The following IQGAP1 variants were observed in gnomAD, a reference collection of about 807,000 sequenced individuals.
The protein encoded by IQGAP1 is IQ motif containing GTPase activating protein 1.
IQGAP1 carries 66 observed loss-of-function variants against 215.6 expected under a neutral mutation model. The ratio of observed to expected loss-of-function variants is 0.31; its 90% CI spans 0.25 to 0.38. The LOEUF (loss-of-function observed/expected upper bound fraction) is 0.38, where lower values mean the gene tolerates loss of function less well. Ranked by LOEUF, IQGAP1 falls within the 10% of genes least tolerant of loss-of-function variation. The pLI, the probability that IQGAP1 is intolerant of heterozygous loss-of-function variation, is 1.00. For synonymous variants in IQGAP1, 772 were observed against 728.7 expected, an observed-to-expected ratio of 1.06 and a Z score of -0.96; for missense variants, 1,712 against 1,997.1, an observed-to-expected ratio of 0.86 and a Z score of 2.72.
intron 2 of IQGAP1, among the ~76,000 whole-genome samples, chr15:90,404,030 C>T (rs1366042698): frequency 1.3e-5 from 2 of 152,050 alleles, no homozygotes; most frequent in Non-Finnish European, 2.9e-5. Context: ...CTCTTTTTTT[C>T]CTTCACAGTT....
chr15:90,426,066 T>C, intron 2 of IQGAP1, 44 bp from the exon 3 acceptor site: 1 of 1,560,042 alleles, frequency 6.4e-7, no homozygotes. Flanking sequence ...GGAAAAGTTC[T>C]GACCTTCCCT....
At chr15:90,428,277 A>G (rs898846734) in intron 3 of IQGAP1, among the ~76,000 whole-genome samples, 2 of 150,608 alleles carry the variant, frequency 1.3e-5, no homozygotes, top group Admixed American at 6.6e-5. Context: ...GGGTCTCACT[A>G]TGTTGCCCAG....
chr15:90,399,394 A>G (rs1358179436), intron 2 of IQGAP1, among the ~76,000 whole-genome samples: 1 of 152,026 alleles, frequency 6.6e-6, no homozygotes, highest in African/African-American at 2.4e-5. Flanking sequence ...TTATTTTCTT[A>G]TGCAAATTTT....
In IQGAP1 at chr15:90,422,609, CATAT is replaced by C. The variant is rs750865545; in HGVS notation, c.156-3488_156-3485del. ...AGAAATGTTTAATAATTGTCTCATT[CATAT>C]ATATATATATATGTATATATATATA... On this transcript the variant is annotated intron_variant, in intron 2 of 37. Transcript: ENST00000268182. 3.6e-4 allele frequency among the ~76,000 whole-genome samples: 40 copies of C among 111,188 alleles called. 1 individual carries two copies. The highest frequency in any genetic ancestry group is 9.6e-4 in the African/African-American group (30 of 31,220). The allele number at this position is 111,188 out of a possible 152,430, so 72.9% of individuals were successfully genotyped here. A position where few individuals can be genotyped will look rare whatever the true frequency, so the allele number is the denominator to read the frequency against.
intron 3 of IQGAP1, among the ~76,000 whole-genome samples, chr15:90,428,258 T>A (rs889763064): frequency 6.6e-6 from 1 of 151,948 alleles, no homozygotes; most frequent in Non-Finnish European, 1.5e-5. Flanking sequence ...AATTTTAGTG[T>A]AGAGATGGGG....
At chr15:90,396,322 G>A (rs948641991) in intron 2 of IQGAP1, among the ~76,000 whole-genome samples, 2 of 152,138 alleles carry the variant, frequency 1.3e-5, no homozygotes, top group East Asian at 3.8e-4. Flanking sequence ...TAAGAAGCAA[G>A]AAAACAAAAT....
chr15:90,496,259 G>C (rs1042740359), intron 36 of IQGAP1, among the ~76,000 whole-genome samples: 7 of 148,878 alleles, frequency 4.7e-5, no homozygotes, highest in African/African-American at 1.7e-4. Flanking sequence ...TTGAGTTCTG[G>C]AAATCTGGGG....
intron 23 of IQGAP1, among the ~76,000 whole-genome samples, chr15:90,476,324 GT>G (rs1965979058): frequency 6.6e-6 from 1 of 152,094 alleles, no homozygotes; most frequent in Admixed American, 6.6e-5. Context: ...CATTTAGGTT[GT>G]TTTCCAAGCG....
Position 90,473,903 on chromosome 15 carries a change from C to A in IQGAP1, c.2441C>A (p.Ser814Tyr). Residue 814 changes from serine (S) to tyrosine (Y), a missense_variant, in exon 21 of 38, where the codon TCC becomes TAC. This residue lies in a region of IQGAP1 where 1,021 missense variants were observed against 1,074.2 expected (regional missense o/e 0.95). Transcript: ENST00000268182. ...SHKDEVVKIQ[S>Y]LARMHQARKR... ...AGGATCCCTTTTCCACAGATTCAGT[C>A]CCTGGCAAGGATGCACCAAGCTCGA... 6.2e-7 allele frequency: 1 copy of A among 1,613,886 alleles called. No individual in the cohort carries two copies. Among genetic ancestry groups the A allele is most frequent in the Non-Finnish European group, 8.5e-7 (1 of 1,179,972 alleles).
At chr15:90,462,965 C>T (rs1016093238) in intron 15 of IQGAP1, among the ~76,000 whole-genome samples, 2 of 152,138 alleles carry the variant, frequency 1.3e-5, no homozygotes, top group African/African-American at 2.4e-5. Context: ...TAGGTAATCT[C>T]TTTAAAACAA....
intron 18 of IQGAP1, among the ~76,000 whole-genome samples, chr15:90,471,116 C>G (rs779944361): frequency 6.6e-6 from 1 of 152,134 alleles, no homozygotes; most frequent in East Asian, 1.9e-4. Flanking sequence ...AGAAGTCCAG[C>G]AGACACCTCA....
At chr15:90,426,388 C>A in intron 3 of IQGAP1, 122 bp downstream of exon 3, 1 of 1,014,388 alleles carries the variant, frequency 9.9e-7, no homozygotes. Context: ...AAATTATAGC[C>A]TTTAAAATGC....
chr15:90,399,958 C>T (rs1178252442), intron 2 of IQGAP1, among the ~76,000 whole-genome samples: 1 of 152,116 alleles, frequency 6.6e-6, no homozygotes, highest in East Asian at 1.9e-4. Flanking sequence ...TACTTCTTAT[C>T]ATTGAGAAAC....
At chr15:90,398,421 C>CT (rs1964757414) in intron 2 of IQGAP1, among the ~76,000 whole-genome samples, 1 of 151,902 alleles carries the variant, frequency 6.6e-6, no homozygotes, top group South Asian at 2.1e-4. Context: ...ATTTAAAATG[C>CT]TTTTTACAGT....
At chr15:90,494,662 A>C in intron 35 of IQGAP1, 51 bp from the exon 36 acceptor site, 1 of 1,520,466 alleles carries the variant, frequency 6.6e-7, no homozygotes, top group Non-Finnish European at 8.9e-7. Context: ...AATGATGAAG[A>C]TTCAGAGTAG....
intron 2 of IQGAP1, among the ~76,000 whole-genome samples, chr15:90,423,966 T>G (rs1262878706): frequency 1.3e-5 from 2 of 152,194 alleles, no homozygotes; most frequent in Non-Finnish European, 2.9e-5. Flanking sequence ...GTATCTACTG[T>G]GCTCTTTATC....
At chr15:90,409,822 C>T (rs1964932990) in intron 2 of IQGAP1, among the ~76,000 whole-genome samples, 2 of 152,178 alleles carry the variant, frequency 1.3e-5, no homozygotes, top group African/African-American at 4.8e-5. Context: ...TGTTTCCTGA[C>T]TTTTTAATGA....
At chr15:90,487,167 C>G in intron 32 of IQGAP1, 78 bp downstream of exon 32, 4 of 1,462,480 alleles carry the variant, frequency 2.7e-6, no homozygotes, top group Non-Finnish European at 3.8e-6. Context: ...CCTGCTGGGT[C>G]CTACCTGAAA....
intron 2 of IQGAP1, among the ~76,000 whole-genome samples, chr15:90,422,798 C>T (rs1260984998): frequency 1.3e-5 from 2 of 151,452 alleles, no homozygotes; most frequent in South Asian, 2.1e-4. Flanking sequence ...TGGGCTCAAA[C>T]GGTCCTCCTG....
Sources: gnomAD v4.1 joint callset for allele counts (sites outside exome capture counted in the v4.1 genomes callset) on GRCh38, gnomAD v4.1.1 for gene constraint, gnomAD v4.1.1 regional missense constraint, MANE v1.5 for transcripts, NCBI Gene and HGNC (gene_info 2026-07-23, HGNC 2026-07-21) for gene names.